Variants in NFIB observed in about 807,000 individuals in gnomAD.
NFIB encodes nuclear factor I B, also known as nuclear factor 1 B-type.
In NFIB, 11 loss-of-function variants were observed where a neutral mutation model predicts 61.5. The observed-to-expected ratio is 0.18, with a 90% CI of 0.11 to 0.30. The LOEUF (loss-of-function observed/expected upper bound fraction) is 0.30. Ranked by LOEUF, NFIB falls within the 10% of genes least tolerant of loss-of-function variation. The pLI is 1.00. For missense variants in NFIB, 471 were observed against 608.9 expected (o/e 0.77, Z 2.38); for synonymous variants, 260 against 216.5 (o/e 1.20, Z -1.76).
At chr9:14,090,978 A>G (rs1197367828) in intron 10 of NFIB, among the ~76,000 whole-genome samples, 1 of 152,076 alleles carries the variant, frequency 6.6e-6, no homozygotes, top group Admixed American at 6.6e-5. Context: ...AATTGATGCT[A>G]GTAACTAACA....
At chr9:14,438,873 G>A in the NFIB span, among the ~76,000 whole-genome samples, 2 of 152,158 alleles carry the variant, frequency 1.3e-5, no homozygotes, top group African/African-American at 2.4e-5. Flanking sequence ...CAGGACGCCC[G>A]AGGAAGAGGG....
At chr9:14,483,457 A>C in the NFIB span, among the ~76,000 whole-genome samples, 1 of 152,286 alleles carries the variant, frequency 6.6e-6, no homozygotes, top group South Asian at 2.1e-4. Flanking sequence ...ACATTTCAGG[A>C]CGCTTCCCTA....
intron 2 of NFIB, among the ~76,000 whole-genome samples, chr9:14,212,880 T>G (rs2050461217): frequency 6.6e-6 from 1 of 152,208 alleles, no homozygotes; most frequent in Non-Finnish European, 1.5e-5. Flanking sequence ...TCACAGAGAT[T>G]AAATGTTTTA....
chr9:14,279,474 C>A (rs577758647), intron 2 of NFIB, among the ~76,000 whole-genome samples: 1 of 152,136 alleles, frequency 6.6e-6, no homozygotes, highest in Admixed American at 6.5e-5. Flanking sequence ...TTAAGGCTAA[C>A]AGTGATCAGA....
At chr9:14,389,571 A>C (rs2061594893) in intron 1 of NFIB, among the ~76,000 whole-genome samples, 1 of 152,234 alleles carries the variant, frequency 6.6e-6, no homozygotes, top group Admixed American at 6.5e-5. Flanking sequence ...AATTTTGAAC[A>C]TTAAAACATT....
chr9:14,492,761 T>G, the NFIB span, among the ~76,000 whole-genome samples: 22,566 of 151,990 alleles, frequency 0.15, 2,557 homozygotes, highest in African/African-American at 0.31. Flanking sequence ...GAGATTTGGG[T>G]GAAGAACACA....
chr9:14,224,308 T>A (rs1366147797), intron 2 of NFIB, among the ~76,000 whole-genome samples: 1 of 152,166 alleles, frequency 6.6e-6, no homozygotes, highest in Non-Finnish European at 1.5e-5. Flanking sequence ...CATATATCCC[T>A]AATATTGGAA....
At chr9:14,488,297 A>G in the NFIB span, among the ~76,000 whole-genome samples, 1 of 151,930 alleles carries the variant, frequency 6.6e-6, no homozygotes, top group Non-Finnish European at 1.5e-5. Flanking sequence ...CAGGAGGTAA[A>G]GGCTTCGGTG....
chr9:14,134,055 A>G (rs576411514), intron 6 of NFIB, among the ~76,000 whole-genome samples: 6 of 152,276 alleles, frequency 3.9e-5, no homozygotes, highest in Admixed American at 3.9e-4. Flanking sequence ...GAGAAGACAC[A>G]TGGTGTGTTC....
chr9:14,474,886 G>A, the NFIB span, among the ~76,000 whole-genome samples: 1 of 152,192 alleles, frequency 6.6e-6, no homozygotes, highest in Non-Finnish European at 1.5e-5. Context: ...AGGGCAGGAG[G>A]AGATGGATGT....
chr9:14,171,805 GT>G (rs1329010895), intron 3 of NFIB, among the ~76,000 whole-genome samples: 5 of 152,172 alleles, frequency 3.3e-5, no homozygotes, highest in African/African-American at 9.7e-5. Flanking sequence ...TGTCCGAAAA[GT>G]AGTTGGACAC....
At chr9:14,239,845 G>A (rs1271909184) in intron 2 of NFIB, among the ~76,000 whole-genome samples, 2 of 152,178 alleles carry the variant, frequency 1.3e-5, no homozygotes, top group South Asian at 4.1e-4. Context: ...TCCAGAGGGA[G>A]AGAGTGCAAG....
intron 2 of NFIB, among the ~76,000 whole-genome samples, chr9:14,243,003 C>T (rs1348069275): frequency 6.6e-6 from 1 of 152,154 alleles, no homozygotes; most frequent in African/African-American, 2.4e-5. Context: ...CTAAACACAT[C>T]AAGATATATC....
chr9:14,409,403 G>C, the NFIB span, among the ~76,000 whole-genome samples: 3 of 152,156 alleles, frequency 2.0e-5, no homozygotes, highest in Non-Finnish European at 4.4e-5. Context: ...AGGAGCAGGG[G>C]AGGGTTCACA....
intron 1 of NFIB, among the ~76,000 whole-genome samples, chr9:14,353,047 G>A (rs1469525099): frequency 6.6e-6 from 1 of 152,136 alleles, no homozygotes; most frequent in African/African-American, 2.4e-5. Context: ...GAGGCAAGCT[G>A]GTGGGGTTAC....
At chr9:14,344,193 GACAC>G (rs928476052) in intron 1 of NFIB, among the ~76,000 whole-genome samples, 3 of 151,852 alleles carry the variant, frequency 2.0e-5, no homozygotes, top group Non-Finnish European at 4.4e-5. Flanking sequence ...AACAGAGACA[GACAC>G]ACACATACAT....
Position 14,216,540 on chromosome 9 carries a change from CTCCCTCTGTGTGTGTG to C in NFIB, c.563-36776_563-36761del, listed in dbSNP as rs1310685662. Reference sequence around the variant, plus strand: ...TCTCTCTCTCTCTCTCTCTCTCTCTCTCCCTCTGTGTGTGTGTGTGTGTGTGTGTGTGTGTGTGTGT... The same window carrying C: ...TCTCTCTCTCTCTCTCTCTCTCTCTCTGTGTGTGTGTGTGTGTGTGTGTGT... On this transcript the variant is annotated intron_variant, in intron 2 of 10. Transcript: ENST00000380953. Among the ~76,000 whole-genome samples, 19 of 29,372 alleles carry C rather than the reference CTCCCTCTGTGTGTGTG, an allele frequency of 6.5e-4. No individual in the cohort carries two copies. In the East Asian group the frequency reaches 6.6e-3, roughly 10 times the overall value. 19.3% of individuals were successfully genotyped at this position (29,372 alleles called of 152,430 possible). A position where few individuals can be genotyped will look rare whatever the true frequency, so the allele number is the denominator to read the frequency against.
At chr9:14,244,355 T>G (rs1036361017) in intron 2 of NFIB, among the ~76,000 whole-genome samples, 1 of 152,222 alleles carries the variant, frequency 6.6e-6, no homozygotes, top group African/African-American at 2.4e-5. Flanking sequence ...ATATATACCA[T>G]ATACCAGTGC....
chr9:14,175,163 A>ATTTTTTTTTTTTTTTTTTTTTTTTT lies in NFIB; in HGVS notation c.616+4563_616+4564insAAAAAAAAAAAAAAAAAAAAAAAAA, dbSNP rs375736787. Among the ~76,000 whole-genome samples the ATTTTTTTTTTTTTTTTTTTTTTTTT allele has an allele frequency of 6.9e-5, 7 of 102,106 alleles. 2 individuals are homozygous for ATTTTTTTTTTTTTTTTTTTTTTTTT. The highest frequency in any genetic ancestry group is 1.9e-5 in the Non-Finnish European group (1 of 53,090). The allele number at this position is 102,106 out of a possible 152,430, so 67.0% of individuals were successfully genotyped here. Reference sequence around the variant, plus strand: ...TCTCAAAATTTTTATGACTTAAAGAATTTCTTTTTTTTTTTTTTTTTTTTG... The same window carrying ATTTTTTTTTTTTTTTTTTTTTTTTT: ...TCTCAAAATTTTTATGACTTAAAGAATTTTTTTTTTTTTTTTTTTTTTTTTTTTCTTTTTTTTTTTTTTTTTTTTG... On this transcript the variant is annotated intron_variant, in intron 3 of 10. Coordinates refer to ENST00000380953, the MANE Select transcript of NFIB (RefSeq NM_001190737.2).
Sources: allele counts gnomAD v4.1 joint callset (sites outside exome capture counted in the v4.1 genomes callset), GRCh38; gene constraint gnomAD v4.1.1; transcripts MANE v1.5; gene names NCBI Gene and HGNC (gene_info 2026-07-23, HGNC 2026-07-21).